Variants in CDK7 observed in about 807,000 individuals in gnomAD.
The protein encoded by CDK7 is cyclin-dependent kinase 7.
In CDK7, 25 loss-of-function variants were observed where a neutral mutation model predicts 49.1. The observed-to-expected ratio is 0.51, with a 90% CI of 0.37 to 0.71. CDK7 has a LOEUF of 0.71. CDK7 is among the 30% of genes least tolerant of loss of function. The pLI is 0.00. For synonymous variants in CDK7, 107 were observed against 140.0 expected (o/e 0.76, Z 1.67); for missense variants, 316 against 411.7 (o/e 0.77, Z 2.01).
chr5:69,236,558 C>T (rs945742826), intron 2 of CDK7, among the ~76,000 whole-genome samples: 8 of 152,126 alleles, frequency 5.3e-5, no homozygotes, highest in Admixed American at 1.3e-4. Context: ...TGGTCATCTT[C>T]CAGCCTCCAA....
Position 69,273,009 on chromosome 5 carries a change from T to A in CDK7, c.832T>A (p.Phe278Ile). Residue 278 changes from phenylalanine to isoleucine, a missense_variant, in exon 10 of 12, where the codon TTT becomes ATT. By Grantham distance (21) the Phe-to-Ile change is conservative. Transcript: ENST00000256443. The stretch of plus-strand genomic sequence containing the variant: ...AGATCTCATACAAGGCTTATTCTTA[T>A]TTAATCCATGTGCTCGAATTACGGC... ...LLDLIQGLFLFNPCARITATQ... is the reference protein window; with the variant it reads ...LLDLIQGLFLINPCARITATQ... 6.3e-7 allele frequency: 1 copy of A among 1,576,784 alleles called. No individual in the cohort carries two copies. Among genetic ancestry groups the A allele is most frequent in the Non-Finnish European group, 8.6e-7 (1 of 1,157,786 alleles).
intron 10 of CDK7, among the ~76,000 whole-genome samples, chr5:69,275,196 G>A (rs1443509610): frequency 6.6e-6 from 1 of 152,072 alleles, no homozygotes. Context: ...GAAAAAAAGA[G>A]AAAATGTATT....
chr5:69,274,191 G>T (rs1180925758), intron 10 of CDK7, among the ~76,000 whole-genome samples: 1 of 152,146 alleles, frequency 6.6e-6, no homozygotes, highest in African/African-American at 2.4e-5. Flanking sequence ...TTGTATTTGG[G>T]TTGTATTTTA....
At chr5:69,275,130 A>G (rs1001513907) in intron 10 of CDK7, among the ~76,000 whole-genome samples, 1 of 152,070 alleles carries the variant, frequency 6.6e-6, no homozygotes. Context: ...TATTTTTATC[A>G]GAATTGTGGA....
chr5:69,254,031 T>C (rs1750320169), intron 3 of CDK7, among the ~76,000 whole-genome samples: 1 of 151,652 alleles, frequency 6.6e-6, no homozygotes, highest in Non-Finnish European at 1.5e-5. Flanking sequence ...GTCTGGGAGG[T>C]GGAGGCTGCT....
intron 2 of CDK7, 107 bp from the exon 3 acceptor site, chr5:69,252,310 TG>T (rs1389414825): frequency 1.2e-5 from 9 of 727,506 alleles, no homozygotes; most frequent in Non-Finnish European, 2.2e-5. Context: ...GGTTGCTAAT[TG>T]TTTTTTTTTC....
chr5:69,263,739 C>T (rs868172815), intron 8 of CDK7, among the ~76,000 whole-genome samples: 23 of 152,116 alleles, frequency 1.5e-4, no homozygotes, highest in East Asian at 5.8e-4. Flanking sequence ...TATCAACCAC[C>T]ACAATCCATT....
chr5:69,235,281 C>T, intron 1 of CDK7, 113 bp from the exon 2 acceptor site: 5 of 870,192 alleles, frequency 5.7e-6, no homozygotes, highest in South Asian at 2.9e-5. Flanking sequence ...CGTTTCCAGC[C>T]GCCGCGAGTC....
Position 69,235,431 on chromosome 5 carries a change from A to G in CDK7, c.104A>G (p.Asn35Ser), listed in dbSNP as rs1333139616. ...TVYKARDKNT[N>S]QIVAIKKIKL... ...TACAAGGCCAGAGATAAGAACACCA[A>G]CCAAATTGTCGCCATTAAGAAAGTG... Residue 35 changes from asparagine to serine, a missense_variant, in exon 2 of 12, where the codon AAC (asparagine) becomes AGC (serine). Coordinates refer to ENST00000256443, the MANE Select transcript of CDK7 (RefSeq NM_001799.4). The G allele has an allele frequency of 1.9e-6, 3 of 1,603,222 alleles. No homozygotes were observed. The highest frequency in any genetic ancestry group is 2.6e-6 in the Non-Finnish European group (3 of 1,170,392).
At chr5:69,243,926 G>T (rs200921776) in intron 2 of CDK7, among the ~76,000 whole-genome samples, 1 of 135,590 alleles carries the variant, frequency 7.4e-6, no homozygotes, top group African/African-American at 2.7e-5. Context: ...TGTGCCTCCC[G>T]GGTTTGCGCC....
intron 2 of CDK7, among the ~76,000 whole-genome samples, chr5:69,244,360 T>C (rs1421039049): frequency 6.6e-6 from 1 of 151,918 alleles, no homozygotes; most frequent in Non-Finnish European, 1.5e-5. Context: ...TTTTCCCAAA[T>C]ATAAGATCAT....
intron 2 of CDK7, among the ~76,000 whole-genome samples, chr5:69,237,885 G>A (rs1024438037): frequency 6.6e-5 from 10 of 152,114 alleles, no homozygotes; most frequent in African/African-American, 7.2e-5. Flanking sequence ...GGGATTACAC[G>A]TGTGAGTCAC....
intron 6 of CDK7, among the ~76,000 whole-genome samples, chr5:69,259,455 C>T (rs891087974): frequency 2.0e-5 from 3 of 152,114 alleles, no homozygotes; most frequent in Non-Finnish European, 2.9e-5. Context: ...CATTCTTATA[C>T]ATTAACAACG....
At chr5:69,271,480 C>T (rs1751529634) in intron 9 of CDK7, among the ~76,000 whole-genome samples, 1 of 151,110 alleles carries the variant, frequency 6.6e-6, no homozygotes, top group African/African-American at 2.4e-5. Context: ...AGCTCTTTTG[C>T]CCAGCCCAAA....
At chr5:69,260,399 G>C (rs1214684822) in intron 7 of CDK7, among the ~76,000 whole-genome samples, 3 of 151,966 alleles carry the variant, frequency 2.0e-5, no homozygotes, top group African/African-American at 7.2e-5. Flanking sequence ...TTTTATGTTA[G>C]GTATACTTTA....
At chr5:69,275,837 A>G (rs533777835) in intron 10 of CDK7, among the ~76,000 whole-genome samples, 13 of 152,262 alleles carry the variant, frequency 8.5e-5, no homozygotes, top group African/African-American at 3.1e-4. Context: ...AATTACCTTC[A>G]GTTTATATGT....
chr5:69,236,808 C>T (rs557593107), intron 2 of CDK7, among the ~76,000 whole-genome samples: 36 of 151,792 alleles, frequency 2.4e-4, no homozygotes, highest in African/African-American at 3.1e-4. Context: ...CCTGCCACCA[C>T]GCCCAGCTAA....
In CDK7 at chr5:69,272,897, G is replaced by T. The variant is rs201381439; in HGVS notation, c.720G>T (p.Met240Ile). 1 of 1,580,446 alleles carries T rather than the reference G, an allele frequency of 6.3e-7. No homozygotes were observed. The highest frequency in any genetic ancestry group is 2.2e-5 in the East Asian group (1 of 44,542). Reference sequence around the variant, plus strand: ...TTACAAAATTATTTTTACAGGACATGTGTAGTCTTCCAGATTATGTGACAT... The same window carrying T: ...TTACAAAATTATTTTTACAGGACATTTGTAGTCTTCCAGATTATGTGACAT... Reference protein sequence around the residue: ...GTPTEEQWPDMCSLPDYVTFK... With the variant: ...GTPTEEQWPDICSLPDYVTFK... Residue 240 changes from methionine to isoleucine, a missense_variant, in exon 10 of 12, where the codon ATG (methionine) becomes ATT (isoleucine). Physicochemically the swap from Met to Ile is conservative, Grantham distance 10. Coordinates refer to ENST00000256443, the MANE Select transcript of CDK7 (RefSeq NM_001799.4).
At chr5:69,267,315 T>G (rs1462170883) in intron 8 of CDK7, among the ~76,000 whole-genome samples, 2 of 85,566 alleles carry the variant, frequency 2.3e-5, no homozygotes, top group Admixed American at 2.6e-4. Flanking sequence ...TTTTTTTTTT[T>G]TTTTTGAGAC....
Sources: gnomAD v4.1 joint callset for allele counts (sites outside exome capture counted in the v4.1 genomes callset) on GRCh38, gnomAD v4.1.1 for gene constraint, MANE v1.5 for transcripts, NCBI Gene and HGNC (gene_info 2026-07-23, HGNC 2026-07-21) for gene names.